Variants in PRKCH observed in about 807,000 individuals in gnomAD.
PRKCH encodes protein kinase C eta.
In PRKCH, 28 loss-of-function variants were observed where a neutral mutation model predicts 82.5. That is an observed-to-expected ratio of 0.34 (90% confidence interval 0.25 to 0.47). PRKCH has a LOEUF of 0.47. Among genes scored for constraint, PRKCH ranks in the 20% least tolerant of loss-of-function variants. The probability of loss-of-function intolerance (pLI) is 1.00; values close to 1 mark genes in which losing one functional copy is unlikely to be tolerated. For missense variants in PRKCH, 705 were observed against 881.8 expected (o/e 0.80, Z 2.54); for synonymous variants, 322 against 327.4 (o/e 0.98, Z 0.18).
intron 2 of PRKCH, among the ~76,000 whole-genome samples, chr14:61,416,763 T>G (rs1266747067): frequency 2.0e-5 from 3 of 152,094 alleles, no homozygotes; most frequent in Non-Finnish European, 4.4e-5. Flanking sequence ...TGCCCTTAGC[T>G]TTCTGTTGGG....
chr14:61,234,696 T>A (rs1457847409), intron 1 of PRKCH, among the ~76,000 whole-genome samples: 1 of 152,262 alleles, frequency 6.6e-6, no homozygotes, highest in African/African-American at 2.4e-5. Flanking sequence ...CTGTCCAAAT[T>A]CATGCAATAT....
intron 1 of PRKCH, among the ~76,000 whole-genome samples, chr14:61,210,074 T>TAAAACA (rs111323614): frequency 0.36 from 45,904 of 126,860 alleles, 8,681 homozygotes; most frequent in Admixed American, 0.45. Context: ...CTGTCTCTAC[T>TAAAACA]AAAACAAAAA....
chr14:61,403,084 A>G (rs1343989782), intron 2 of PRKCH, among the ~76,000 whole-genome samples: 1 of 152,118 alleles, frequency 6.6e-6, no homozygotes, highest in Non-Finnish European at 1.5e-5. Flanking sequence ...AAATTGTAAA[A>G]TAATGCCACT....
rs140024073 is a variant in PRKCH at position 61,359,244 on chromosome 14, G to A, written c.364-31981G>A. ...CCACAATGCTCTGGGGCAGTGCTGCGTATCAGAGGTTCAAGCCATGGCTGG... is the reference window on the plus strand; with the variant it reads ...CCACAATGCTCTGGGGCAGTGCTGCATATCAGAGGTTCAAGCCATGGCTGG... On this transcript the variant is annotated intron_variant, in intron 1 of 13. Transcript: ENST00000332981. 3.0e-4 allele frequency among the ~76,000 whole-genome samples: 45 copies of A among 152,276 alleles called. No individual in the cohort carries two copies. In the East Asian group the frequency reaches 6.6e-3, roughly 22 times the overall value.
chr14:61,202,923 A>G (rs2044493835), intron 1 of PRKCH, among the ~76,000 whole-genome samples: 1 of 152,110 alleles, frequency 6.6e-6, no homozygotes, highest in Admixed American at 6.5e-5. Context: ...CTTGGTGTAC[A>G]TCCTATGGGT....
chr14:61,389,015 G>A (rs1384875027), intron 1 of PRKCH, among the ~76,000 whole-genome samples: 2 of 152,220 alleles, frequency 1.3e-5, no homozygotes, highest in African/African-American at 4.8e-5. Flanking sequence ...TAAGTCCAGT[G>A]CATTTTTGGG....
intron 1 of PRKCH, among the ~76,000 whole-genome samples, chr14:61,238,391 A>C (rs1260955262): frequency 2.6e-5 from 4 of 152,112 alleles, no homozygotes; most frequent in Non-Finnish European, 5.9e-5. Context: ...GTGTTGCTTG[A>C]GGCAATTTTA....
chr14:61,444,630 T>A (rs1387776323), intron 3 of PRKCH, among the ~76,000 whole-genome samples: 4 of 152,102 alleles, frequency 2.6e-5, no homozygotes, highest in African/African-American at 4.8e-5. Flanking sequence ...ACTCTCTCTC[T>A]CACACACACT....
rs1335053986 is a variant in PRKCH at position 61,272,340 on chromosome 14, C to CTTTT, written c.-19+84675_-19+84676insTTTT. Among the ~76,000 whole-genome samples the CTTTT allele has an allele frequency of 1.7e-4, 17 of 97,824 alleles. 1 individual carries two copies. The highest frequency in any genetic ancestry group is 3.5e-4 in the East Asian group (1 of 2,822). 64.2% of individuals were successfully genotyped at this position (97,824 alleles called of 152,430 possible). A position where few individuals can be genotyped will look rare whatever the true frequency, so the allele number is the denominator to read the frequency against. ...TAGATTTCTTTTTCTTTTCTTTTTT[C>CTTTT]TTTCTTTTTTTTTTTTTTTTTTTTT... On this transcript the variant is annotated intron_variant, in intron 1 of 3. Transcript: ENST00000555185.
chr14:61,202,551 A>G (rs2044490221), intron 1 of PRKCH, among the ~76,000 whole-genome samples: 1 of 152,174 alleles, frequency 6.6e-6, no homozygotes, highest in African/African-American at 2.4e-5. Context: ...TAGGGAGAGC[A>G]GTGGGGGAGG....
chr14:61,545,902 G>GT (rs2043250854), intron 12 of PRKCH, among the ~76,000 whole-genome samples: 1 of 152,310 alleles, frequency 6.6e-6, no homozygotes, highest in East Asian at 1.9e-4. Flanking sequence ...GTCCTGCACT[G>GT]TTTGTCTTGC....
chr14:61,423,633 G>A (rs1448209583), intron 2 of PRKCH, among the ~76,000 whole-genome samples: 1 of 152,158 alleles, frequency 6.6e-6, no homozygotes, highest in African/African-American at 2.4e-5. Flanking sequence ...TGAATGGTGA[G>A]GGCATCAGTT....
chr14:61,426,269 C>T (rs1384759769), intron 2 of PRKCH, among the ~76,000 whole-genome samples: 1 of 152,196 alleles, frequency 6.6e-6, no homozygotes, highest in East Asian at 1.9e-4. Context: ...TTCCTTCTAC[C>T]CATGGCCTAC....
chr14:61,530,860 T>A (rs2043036800), intron 12 of PRKCH, among the ~76,000 whole-genome samples: 1 of 152,246 alleles, frequency 6.6e-6, no homozygotes, highest in Non-Finnish European at 1.5e-5. Context: ...CAAGTATTTC[T>A]AGCACTTCGT....
intron 5 of PRKCH, among the ~76,000 whole-genome samples, chr14:61,450,477 A>G (rs1884453424): frequency 6.6e-6 from 1 of 152,238 alleles, no homozygotes; most frequent in African/African-American, 2.4e-5. Context: ...TATATAGTGT[A>G]TAAAAGACCC....
chr14:61,520,748 C>T (rs35686033), intron 10 of PRKCH, among the ~76,000 whole-genome samples: 1 of 152,178 alleles, frequency 6.6e-6, no homozygotes, highest in Non-Finnish European at 1.5e-5. Context: ...CTAGCCTGAA[C>T]AAGGAAGCCA....
rs1432970296 is a variant in PRKCH, at chr14:61,339,101, A to G, written c.363+16637A>G. ...ACTTTCCCTTTTAAGCCCCTCACCT[A>G]TCACCTACTCCTCCATCCCCTAGAC... On this transcript the variant is annotated intron_variant, in intron 1 of 13. Coordinates refer to ENST00000332981, the MANE Select transcript of PRKCH (RefSeq NM_006255.5). 2.0e-5 allele frequency among the ~76,000 whole-genome samples: 3 copies of G among 151,848 alleles called. No individual in the cohort carries two copies. In the East Asian group the frequency reaches 5.8e-4, roughly 30 times the overall value.
intron 1 of PRKCH, among the ~76,000 whole-genome samples, chr14:61,198,930 A>G (rs773536378): frequency 1.3e-5 from 2 of 152,074 alleles, no homozygotes; most frequent in Non-Finnish European, 2.9e-5. Flanking sequence ...AGCCTGTGTC[A>G]CTCATGGACA....
At chr14:61,275,236 A>G (rs1456434340) in intron 1 of PRKCH, among the ~76,000 whole-genome samples, 1 of 152,198 alleles carries the variant, frequency 6.6e-6, no homozygotes, top group Non-Finnish European at 1.5e-5. Flanking sequence ...ACCTACTTTT[A>G]TAGAGTTCTG....
Sources: gnomAD v4.1 joint callset for allele counts (sites outside exome capture counted in the v4.1 genomes callset) on GRCh38, gnomAD v4.1.1 for gene constraint, MANE v1.5 for transcripts, NCBI Gene and HGNC (gene_info 2026-07-23, HGNC 2026-07-21) for gene names.